Variants in ZNF385D observed in about 807,000 individuals in gnomAD.
ZNF385D encodes zinc finger protein 659.
In ZNF385D, 15 loss-of-function variants were observed where a neutral mutation model predicts 35.8. That is an observed-to-expected ratio of 0.42 (90% CI 0.28 to 0.64). The LOEUF (loss-of-function observed/expected upper bound fraction) is 0.64, where lower values mean the gene tolerates loss of function less well. Among genes scored for constraint, ZNF385D ranks in the 30% least tolerant of loss-of-function variants. The pLI, the probability that ZNF385D is intolerant of heterozygous loss-of-function variation, is 0.23. For synonymous variants in ZNF385D, 212 were observed against 186.8 expected (o/e 1.13, Z -1.10); for missense variants, 474 against 494.6 (o/e 0.96, Z 0.39).
intron 3 of ZNF385D, among the ~76,000 whole-genome samples, chr3:21,952,530 C>T (rs2620536): frequency 0.26 from 39,296 of 151,596 alleles, 5,795 homozygotes; most frequent in Admixed American, 0.41. Flanking sequence ...GTCCTGATGT[C>T]ATTACTTACT....
intron 3 of ZNF385D, among the ~76,000 whole-genome samples, chr3:22,109,973 C>T (rs956110026): frequency 1.1e-4 from 17 of 152,154 alleles, no homozygotes; most frequent in African/African-American, 2.9e-4. Context: ...AACAAGTGGG[C>T]GAAGGATATG....
At chr3:22,290,427 T>G (rs1350727625) in intron 2 of ZNF385D, among the ~76,000 whole-genome samples, 1 of 152,080 alleles carries the variant, frequency 6.6e-6, no homozygotes, top group Non-Finnish European at 1.5e-5. Context: ...CATTGAGAAA[T>G]GTAGCCACAC....
At chr3:21,491,240 A>G (rs1705405384) in intron 4 of ZNF385D, among the ~76,000 whole-genome samples, 1 of 148,986 alleles carries the variant, frequency 6.7e-6, no homozygotes, top group African/African-American at 2.5e-5. Context: ...AAAGAAGATG[A>G]GATTTGGACT....
chr3:21,958,664 T>C (rs570712712), intron 3 of ZNF385D, among the ~76,000 whole-genome samples: 1 of 152,150 alleles, frequency 6.6e-6, no homozygotes, highest in Non-Finnish European at 1.5e-5. Context: ...CCAAATTCTA[T>C]TATAACTGCA....
intron 3 of ZNF385D, among the ~76,000 whole-genome samples, chr3:22,069,058 A>T (rs1296519293): frequency 1.3e-5 from 2 of 152,036 alleles, no homozygotes; most frequent in Non-Finnish European, 2.9e-5. Flanking sequence ...CTCTAAAATT[A>T]TATGTGTTCA....
chr3:22,039,372 A>G (rs1331217454), intron 3 of ZNF385D, among the ~76,000 whole-genome samples: 5 of 151,996 alleles, frequency 3.3e-5, no homozygotes, highest in African/African-American at 1.2e-4. Context: ...ATCACACCCC[A>G]GTTTTAACAT....
chr3:21,443,814 T>C (rs1201511688), intron 4 of ZNF385D, among the ~76,000 whole-genome samples: 1 of 152,202 alleles, frequency 6.6e-6, no homozygotes. Flanking sequence ...AAGCCTTGTA[T>C]GCATTAAAAA....
intron 3 of ZNF385D, among the ~76,000 whole-genome samples, chr3:21,966,138 C>T (rs1702900045): frequency 6.6e-6 from 1 of 152,056 alleles, no homozygotes; most frequent in Non-Finnish European, 1.5e-5. Context: ...TTTGTAGGTT[C>T]TCCATACTGA....
At chr3:21,629,486 G>C in intron 2 of ZNF385D, among the ~76,000 whole-genome samples, 1 of 152,138 alleles carries the variant, frequency 6.6e-6, no homozygotes, top group East Asian at 1.9e-4. Flanking sequence ...AGAATGAAAA[G>C]AATAAAGACA....
At chr3:21,872,964 G>A (rs2125849829) in intron 3 of ZNF385D, among the ~76,000 whole-genome samples, 1 of 152,222 alleles carries the variant, frequency 6.6e-6, no homozygotes, top group South Asian at 2.1e-4. Context: ...TGACACAACT[G>A]TTACCACTAT....
intron 3 of ZNF385D, among the ~76,000 whole-genome samples, chr3:22,078,093 G>A (rs916725263): frequency 9.9e-5 from 15 of 151,832 alleles, no homozygotes; most frequent in East Asian, 3.9e-4. Context: ...TAGTTTCCCC[G>A]GATTCCTTCT....
intron 2 of ZNF385D, among the ~76,000 whole-genome samples, chr3:22,213,122 G>C (rs925892326): frequency 6.6e-6 from 1 of 151,908 alleles, no homozygotes; most frequent in Non-Finnish European, 1.5e-5. Flanking sequence ...TCAAAGAACA[G>C]ACATAATTAT....
chr3:21,733,145 AC>A (rs750261121), intron 1 of ZNF385D, among the ~76,000 whole-genome samples: 11 of 151,924 alleles, frequency 7.2e-5, no homozygotes, highest in Non-Finnish European at 1.3e-4. Context: ...TTTTGAAAAG[AC>A]TTTTTCCATT....
chr3:22,128,874 C>G (rs1307960004), intron 3 of ZNF385D, among the ~76,000 whole-genome samples: 1 of 152,172 alleles, frequency 6.6e-6, no homozygotes, highest in Non-Finnish European at 1.5e-5. Flanking sequence ...TTTCTTGTCA[C>G]TCTGAAATTG....
chr3:21,941,737 T>C (rs996848787), intron 3 of ZNF385D, among the ~76,000 whole-genome samples: 26 of 152,038 alleles, frequency 1.7e-4, no homozygotes, highest in Non-Finnish European at 8.8e-5. Context: ...GACCTCGTGA[T>C]CCGCCCACCT....
Position 21,488,555 on chromosome 3 carries a change from C to A in ZNF385D, c.439+22306G>T, listed in dbSNP as rs543336780. Among the ~76,000 whole-genome samples the A allele has an allele frequency of 3.3e-5, 5 of 152,210 alleles. No homozygotes were observed. In the South Asian group the frequency reaches 1.0e-3, roughly 32 times the overall value. On this transcript the variant is annotated intron_variant, in intron 4 of 7. Transcript: ENST00000281523. ...TGTGTCTACATCTCTGGAGTAGAAT[C>A]TTTTACTACTCTCTCATGAAAGCAA...
At chr3:22,143,430 G>T (rs556440483) in intron 3 of ZNF385D, among the ~76,000 whole-genome samples, 2 of 152,136 alleles carry the variant, frequency 1.3e-5, no homozygotes, top group Non-Finnish European at 2.9e-5. Context: ...TAAATGCAAA[G>T]TAAACAGGGG....
At chr3:21,967,521 C>T (rs1353020516) in intron 3 of ZNF385D, among the ~76,000 whole-genome samples, 1 of 152,114 alleles carries the variant, frequency 6.6e-6, no homozygotes, top group East Asian at 1.9e-4. Context: ...AACAGCTGGT[C>T]CTAAAGGGCC....
intron 3 of ZNF385D, among the ~76,000 whole-genome samples, chr3:21,785,902 C>A (rs1185984472): frequency 6.6e-6 from 1 of 152,188 alleles, no homozygotes; most frequent in Non-Finnish European, 1.5e-5. Context: ...CACATAAACT[C>A]AATACTTCAT....
Sources: allele counts gnomAD v4.1 joint callset (sites outside exome capture counted in the v4.1 genomes callset), GRCh38; gene constraint gnomAD v4.1.1; transcripts MANE v1.5; gene names NCBI Gene and HGNC (gene_info 2026-07-23, HGNC 2026-07-21).